COL4A4: variants seen among roughly 807,000 people sequenced by gnomAD.
COL4A4 encodes collagen type IV alpha 4 chain.
A neutral mutation model predicts 192.9 loss-of-function variants in COL4A4; 105 were observed. That is an observed-to-expected ratio of 0.54 (90% CI 0.46 to 0.64). COL4A4 has a LOEUF of 0.64. Among genes scored for constraint, COL4A4 ranks in the 30% least tolerant of loss-of-function variants. The pLI is 0.00. For synonymous variants in COL4A4, 762 were observed against 769.9 expected (o/e 0.99, Z 0.17); for missense variants, 1,967 against 2,169.3 (o/e 0.91, Z 1.85).
chr2:227,007,855 T>C (rs1485168834), intron 47 of COL4A4, among the ~76,000 whole-genome samples, 163 bp downstream of exon 47: 2 of 152,232 alleles, frequency 1.3e-5, no homozygotes, highest in African/African-American at 4.8e-5. Context: ...TTTTAAAAGA[T>C]AATGGCCCTG....
chr2:227,087,103 T>C (rs192193550), intron 22 of COL4A4, among the ~76,000 whole-genome samples: 6 of 152,148 alleles, frequency 3.9e-5, no homozygotes, highest in African/African-American at 1.4e-4. Context: ...GAGGGCTCTC[T>C]CCAGTCTCCA....
rs950520268 is a variant in COL4A4 at position 227,003,223 on chromosome 2, A to T, written c.*4102T>A. 5 of 151,344 alleles carry T rather than the reference A, an allele frequency of 3.3e-5. No individual in the cohort carries two copies. Among genetic ancestry groups the T allele is most frequent in the Non-Finnish European group, 7.4e-5 (5 of 67,772 alleles). 9.4% of individuals were successfully genotyped at this position (151,344 alleles called of 1,614,324 possible). A position where few individuals can be genotyped will look rare whatever the true frequency, so the allele number is the denominator to read the frequency against. On this transcript the variant is annotated 3_prime_UTR_variant, in exon 48 of 48. Transcript: ENST00000396625. ...CCCTGTGAGAATCATAATTCTGTGTAAAAAAAAAGAAATATTTTTCGTATT... is the reference window on the plus strand; with the variant it reads ...CCCTGTGAGAATCATAATTCTGTGTTAAAAAAAAGAAATATTTTTCGTATT...
At chr2:227,041,789 AAAGAAAGAAAGAAAGG>A (rs1971082389) in intron 37 of COL4A4, among the ~76,000 whole-genome samples, 2 of 41,870 alleles carry the variant, frequency 4.8e-5, no homozygotes, top group African/African-American at 1.2e-4. Flanking sequence ...GAAGGAAGGG[AAAGAAAGAAAGAAAGG>A]AAGAAAGAAA....
chr2:227,039,338 T>C (rs1452638706), intron 37 of COL4A4, among the ~76,000 whole-genome samples: 1 of 152,104 alleles, frequency 6.6e-6, no homozygotes, highest in South Asian at 2.1e-4. Flanking sequence ...ACCTAATTTT[T>C]GTATTTTTTT....
At chr2:227,160,544 A>T (rs539470911) in intron 1 of COL4A4, among the ~76,000 whole-genome samples, 3 of 151,916 alleles carry the variant, frequency 2.0e-5, no homozygotes, top group Admixed American at 2.0e-4. Flanking sequence ...TAAACAGAGG[A>T]CCCCCACCCC....
the COL4A4 span, among the ~76,000 whole-genome samples, chr2:226,980,339 G>T: frequency 1.3e-5 from 2 of 152,158 alleles, no homozygotes; most frequent in African/African-American, 4.8e-5. Context: ...TAGCAGAAGG[G>T]CAGCTTTGTA....
intron 25 of COL4A4, among the ~76,000 whole-genome samples, chr2:227,077,559 C>A (rs1341155938): frequency 1.3e-5 from 2 of 151,926 alleles, no homozygotes; most frequent in African/African-American, 4.8e-5. Context: ...GGGCTTAAAA[C>A]CTAGATGATG....
rs60344965 is a variant in COL4A4 at position 227,059,638 on chromosome 2, A to C, written c.2165-15T>G. Reference sequence around the variant, plus strand: ...ACCACGAAAACCTATTTAACAACAAAAAAAAATTTTTAATGATAACATGTG... The same window carrying C: ...ACCACGAAAACCTATTTAACAACAACAAAAAATTTTTAATGATAACATGTG... On this transcript the variant is annotated splice_polypyrimidine_tract_variant and intron_variant, in intron 27 of 47. Coordinates refer to ENST00000396625, the MANE Select transcript of COL4A4 (RefSeq NM_000092.5). 7,789 of 1,606,072 alleles carry C rather than the reference A, an allele frequency of 4.8e-3. 322 individuals are homozygous for C. In the African/African-American group the frequency reaches 0.089, roughly 18 times the overall value.
At chr2:227,036,632 G>C (rs1246593866) in intron 37 of COL4A4, among the ~76,000 whole-genome samples, 1 of 152,192 alleles carries the variant, frequency 6.6e-6, no homozygotes, top group Non-Finnish European at 1.5e-5. Context: ...TGCCCACTAA[G>C]GGTGTAAGAT....
intron 33 of COL4A4, among the ~76,000 whole-genome samples, chr2:227,050,582 C>T (rs1344214457): frequency 6.6e-6 from 1 of 152,198 alleles, no homozygotes; most frequent in Non-Finnish European, 1.5e-5. Context: ...GGGTATTTTA[C>T]TCATGGTTGT....
At chr2:227,051,198 T>C (rs1381193331) in intron 32 of COL4A4, 40 bp from the exon 33 acceptor site, 9 of 1,606,948 alleles carry the variant, frequency 5.6e-6, no homozygotes, top group Non-Finnish European at 6.8e-6. Flanking sequence ...TGCTGAAATT[T>C]TGAGCTAGGT....
At chr2:227,041,805 G>GGA (rs1971117967) in intron 37 of COL4A4, among the ~76,000 whole-genome samples, 2 of 39,386 alleles carry the variant, frequency 5.1e-5, no homozygotes, top group African/African-American at 9.6e-5. Context: ...AGAAAGAAAG[G>GGA]AAGAAAGAAA....
At chr2:227,116,743 A>G (rs1168732203) in intron 7 of COL4A4, among the ~76,000 whole-genome samples, 1 of 152,218 alleles carries the variant, frequency 6.6e-6, no homozygotes, top group Non-Finnish European at 1.5e-5. Context: ...GGTTGTGATG[A>G]AAAGGATGAC....
At chr2:227,110,199 C>T (rs528572775) in intron 9 of COL4A4, among the ~76,000 whole-genome samples, 1 of 152,278 alleles carries the variant, frequency 6.6e-6, no homozygotes, top group African/African-American at 2.4e-5. Flanking sequence ...CCTGCTGACT[C>T]TGCCCAGGTC....
At chr2:227,111,031 CTAATATAATCAT>C (rs1475595148) in intron 9 of COL4A4, among the ~76,000 whole-genome samples, 1 of 152,204 alleles carries the variant, frequency 6.6e-6, no homozygotes, top group Non-Finnish European at 1.5e-5. Flanking sequence ...ACTGGAAAGA[CTAATATAATCAT>C]TGAATTGCTG....
intron 1 of COL4A4, among the ~76,000 whole-genome samples, chr2:227,151,630 T>G (rs1451435624): frequency 6.6e-6 from 1 of 151,806 alleles, no homozygotes; most frequent in African/African-American, 2.4e-5. Flanking sequence ...TCTGAATGTT[T>G]GTGTCCTGCA....
chr2:227,139,160 G>A (rs2063025788), intron 4 of COL4A4, among the ~76,000 whole-genome samples: 1 of 152,186 alleles, frequency 6.6e-6, no homozygotes, highest in South Asian at 2.1e-4. Context: ...TGCACACCAG[G>A]AAGCAGGCCT....
chr2:227,085,020 A>G (rs1408528343), intron 22 of COL4A4, among the ~76,000 whole-genome samples: 1 of 150,594 alleles, frequency 6.6e-6, no homozygotes, highest in Non-Finnish European at 1.5e-5. Context: ...AGTCTCAGCT[A>G]CTCGAGAGGC....
At chr2:226,995,887 C>T in the COL4A4 span, 1 of 209,904 alleles carries the variant, frequency 4.8e-6, no homozygotes, top group Non-Finnish European at 9.4e-6. Context: ...ATTAGTCCCT[C>T]ATTCTGCCTG....
Sources: allele counts gnomAD v4.1 joint callset (sites outside exome capture counted in the v4.1 genomes callset), GRCh38; gene constraint gnomAD v4.1.1; transcripts MANE v1.5; gene names NCBI Gene and HGNC (gene_info 2026-07-23, HGNC 2026-07-21).